The following POU2F1 variants were observed in gnomAD, a reference collection of about 807,000 sequenced individuals.
POU2F1 encodes the protein POU domain, class 2, transcription factor 1.
In POU2F1, 16 loss-of-function variants were observed where a neutral mutation model predicts 84.9. That is an observed-to-expected ratio of 0.19 (90% CI 0.13 to 0.29). POU2F1 has a LOEUF of 0.29. Among genes scored for constraint, POU2F1 ranks in the 10% least tolerant of loss-of-function variants. The pLI is 1.00. For missense variants in POU2F1, 738 were observed against 942.6 expected (o/e 0.78, Z 2.84); for synonymous variants, 368 against 368.3 (o/e 1.00, Z 0.01).
At chr1:167,287,775 A>G (rs1653635394) in intron 1 of POU2F1, among the ~76,000 whole-genome samples, 1 of 152,216 alleles carries the variant, frequency 6.6e-6, no homozygotes, top group African/African-American at 2.4e-5. Context: ...CAAGGCATGA[A>G]TTCTCAGCTT....
chr1:167,248,526 G>A (rs1650502547), intron 1 of POU2F1, among the ~76,000 whole-genome samples: 1 of 152,180 alleles, frequency 6.6e-6, no homozygotes, highest in Non-Finnish European at 1.5e-5. Context: ...TAAATGCTGT[G>A]AAGGATATAA....
chr1:167,247,377 A>G (rs1650414172), intron 1 of POU2F1, among the ~76,000 whole-genome samples: 1 of 152,080 alleles, frequency 6.6e-6, no homozygotes, highest in Non-Finnish European at 1.5e-5. Flanking sequence ...CTGTGATACA[A>G]TTTTTATATC....
intron 1 of POU2F1, among the ~76,000 whole-genome samples, chr1:167,306,789 A>G (rs192691095): frequency 1.7e-3 from 258 of 152,302 alleles, no homozygotes; most frequent in African/African-American, 6.0e-3. Flanking sequence ...TTATATAAGG[A>G]TAGCAATCAT....
At chr1:167,329,248 ACT>A (rs945710753) in intron 1 of POU2F1, 26 of 1,543,226 alleles carry the variant, frequency 1.7e-5, no homozygotes, top group East Asian at 2.5e-5. Flanking sequence ...CCTTGTTTGG[ACT>A]CTCTGCTCCT....
chr1:167,384,180 G>A (rs1201996711), intron 8 of POU2F1, among the ~76,000 whole-genome samples: 2 of 152,272 alleles, frequency 1.3e-5, no homozygotes, highest in East Asian at 3.9e-4. Context: ...TGCATTAGCA[G>A]TAAATGAGTA....
At chr1:167,398,478 C>T (rs1038088638) in intron 11 of POU2F1, among the ~76,000 whole-genome samples, 4 of 152,016 alleles carry the variant, frequency 2.6e-5, no homozygotes, top group African/African-American at 4.8e-5. Flanking sequence ...GGGGGAGAAA[C>T]ACTGGAGTGA....
intron 1 of POU2F1, among the ~76,000 whole-genome samples, chr1:167,314,901 T>A (rs1401401904): frequency 6.6e-6 from 1 of 152,186 alleles, no homozygotes; most frequent in Non-Finnish European, 1.5e-5. Context: ...GTGTTTAGAT[T>A]ATGAGGGTGG....
chr1:167,255,451 T>A (rs1046530448), intron 1 of POU2F1, among the ~76,000 whole-genome samples: 2 of 152,196 alleles, frequency 1.3e-5, no homozygotes, highest in South Asian at 2.1e-4. Flanking sequence ...GTAGTTGGCA[T>A]GATTGAATTA....
chr1:167,365,532 GC>G lies in POU2F1; in HGVS notation c.196del (p.Gln66ArgfsTer26). 6.2e-7 allele frequency: 1 copy of G among 1,602,396 alleles called. No homozygotes were observed. The highest frequency in any genetic ancestry group is 8.5e-7 in the Non-Finnish European group (1 of 1,174,862). Reference sequence around the variant, plus strand: ...GCCTGTAGGAGGAGCAATCTCAACAGCCCAGGCGCAGGCTTTCCTTGGACAT... The same window carrying G: ...GCCTGTAGGAGGAGCAATCTCAACAGCCAGGCGCAGGCTTTCCTTGGACAT... Reference protein sequence around the residue: ...PVPVGGAISTAQAQAFLGHLH... With the variant: ...PVPVGGAISTXQAQAFLGHLH... On this transcript the variant is annotated frameshift_variant, in exon 3 of 16. Coordinates refer to ENST00000367866, the MANE Select transcript of POU2F1 (RefSeq NM_002697.4). LOFTEE classifies it high-confidence loss of function.
chr1:167,367,661 TTCACCTAGAA>T (rs1313830575), intron 3 of POU2F1, among the ~76,000 whole-genome samples: 3 of 152,208 alleles, frequency 2.0e-5, no homozygotes, highest in Admixed American at 6.5e-5. Flanking sequence ...CTGAAAGCCC[TTCACCTAGAA>T]TCACCAGTTG....
chr1:167,334,859 T>G (rs1332781452), intron 2 of POU2F1, among the ~76,000 whole-genome samples: 2 of 152,232 alleles, frequency 1.3e-5, no homozygotes, highest in Non-Finnish European at 2.9e-5. Flanking sequence ...GTAAAATGTT[T>G]AAGGGGAAGA....
intron 15 of POU2F1, among the ~76,000 whole-genome samples, chr1:167,414,172 T>A (rs559273839): frequency 3.9e-5 from 6 of 152,210 alleles, no homozygotes; most frequent in Non-Finnish European, 8.8e-5. Flanking sequence ...TTATATTGAC[T>A]TTCTGATTGA....
At chr1:167,386,955 G>A (rs556940785) in intron 8 of POU2F1, among the ~76,000 whole-genome samples, 1 of 152,300 alleles carries the variant, frequency 6.6e-6, no homozygotes, top group South Asian at 2.1e-4. Context: ...TGTAGTAACT[G>A]CTACTGCAAT....
intron 2 of POU2F1, among the ~76,000 whole-genome samples, chr1:167,347,650 C>T (rs1557913546): frequency 6.6e-6 from 1 of 152,132 alleles, no homozygotes; most frequent in Admixed American, 6.5e-5. Context: ...TTCATCACCC[C>T]CAAAGGAAAC....
intron 3 of POU2F1, 123 bp from the exon 4 acceptor site, chr1:167,370,038 G>A: frequency 1.3e-6 from 1 of 796,586 alleles, no homozygotes; most frequent in South Asian, 3.7e-5. Context: ...AACTCCGTAA[G>A]ACAAACTTCT....
At chr1:167,339,112 C>T (rs1657668619) in intron 2 of POU2F1, among the ~76,000 whole-genome samples, 1 of 152,152 alleles carries the variant, frequency 6.6e-6, no homozygotes, top group Non-Finnish European at 1.5e-5. Flanking sequence ...ATGGCCCCTT[C>T]CTCCATCTTC....
intron 1 of POU2F1, among the ~76,000 whole-genome samples, chr1:167,305,547 C>T (rs904079743): frequency 6.6e-6 from 1 of 152,120 alleles, no homozygotes; most frequent in Non-Finnish European, 1.5e-5. Flanking sequence ...ATCATGTAAC[C>T]GTTTATTCCT....
chr1:167,247,447 T>C (rs1045447924), intron 1 of POU2F1, among the ~76,000 whole-genome samples: 4 of 152,178 alleles, frequency 2.6e-5, no homozygotes, highest in Non-Finnish European at 5.9e-5. Context: ...TATATTCTAA[T>C]CTTTACCTAA....
intron 1 of POU2F1, among the ~76,000 whole-genome samples, chr1:167,239,858 A>T (rs1649770380): frequency 6.6e-6 from 1 of 152,214 alleles, no homozygotes; most frequent in Non-Finnish European, 1.5e-5. Flanking sequence ...TGGTGGAGAG[A>T]TTAAAGATTA....
Sources: gnomAD v4.1 joint callset for allele counts (sites outside exome capture counted in the v4.1 genomes callset) on GRCh38, gnomAD v4.1.1 for gene constraint, MANE v1.5 for transcripts, NCBI Gene and HGNC (gene_info 2026-07-23, HGNC 2026-07-21) for gene names.